Variants in FGF9 observed in about 807,000 individuals in gnomAD.
The protein encoded by FGF9 is fibroblast growth factor 9 (glia-activating factor).
In FGF9, 3 loss-of-function variants were observed where a neutral mutation model predicts 19.9. That is an observed-to-expected ratio of 0.15 (90% confidence interval 0.07 to 0.39). FGF9 has a LOEUF of 0.39. FGF9 is among the 10% of genes least tolerant of loss of function. FGF9 has a pLI of 1.00. For synonymous variants in FGF9, 107 were observed against 106.9 expected (o/e 1.00, Z -0.01); for missense variants, 175 against 256.8 (o/e 0.68, Z 2.18).
chr13:21,679,506 A>G (rs1871988875), intron 1 of FGF9, among the ~76,000 whole-genome samples: 1 of 152,144 alleles, frequency 6.6e-6, no homozygotes, highest in South Asian at 2.1e-4. Flanking sequence ...GAACTCTTAA[A>G]TGTAAGTAAA....
At position 21,671,547 on chromosome 13, in the gene FGF9, C is replaced by T. The variant is rs1871766820; in HGVS notation, c.-366C>T. On this transcript the variant is annotated 5_prime_UTR_variant, in exon 1 of 3. Transcript: ENST00000382353. Reference sequence around the variant, plus strand: ...TAAGTTGCTATGGTCATTCTGATCTCAAACCAAATGGAGAAACTACGGATT... The same window carrying T: ...TAAGTTGCTATGGTCATTCTGATCTTAAACCAAATGGAGAAACTACGGATT... The T allele has an allele frequency of 7.7e-6, 4 of 519,638 alleles. No individual in the cohort carries two copies. The allele number at this position is 519,638 out of a possible 1,614,324, so 32.2% of individuals were successfully genotyped here.
At position 21,702,836 on chromosome 13, in the gene FGF9, A is replaced by G. The variant is rs1013995250; in HGVS notation, c.*1401A>G. On this transcript the variant is annotated 3_prime_UTR_variant, in exon 3 of 3. Transcript: ENST00000382353. ...AAATGAAACTAATAAATCGTTATCA[A>G]TAATGACAATGAGGGGGAAAGTATT... is the stretch of plus-strand genomic sequence containing the variant. 2 of 152,226 alleles carry G rather than the reference A, an allele frequency of 1.3e-5. No individual in the cohort carries two copies. Among genetic ancestry groups the G allele is most frequent in the African/African-American group, 2.4e-5 (1 of 41,468 alleles). 9.4% of individuals were successfully genotyped at this position (152,226 alleles called of 1,614,324 possible).
chr13:21,700,060 G>T (rs989842739), intron 2 of FGF9, among the ~76,000 whole-genome samples: 1 of 150,430 alleles, frequency 6.6e-6, no homozygotes, highest in Non-Finnish European at 1.5e-5. Flanking sequence ...TATTTTTGTT[G>T]TTACTGCCCA....
At chr13:21,689,862 G>T (rs902811312) in intron 2 of FGF9, among the ~76,000 whole-genome samples, 2 of 152,102 alleles carry the variant, frequency 1.3e-5, no homozygotes, top group African/African-American at 4.8e-5. Context: ...GTGGCTTCAG[G>T]GACAACAGAG....
At position 21,703,783 on chromosome 13, in the gene FGF9, A is replaced by G. The variant is rs1489297851; in HGVS notation, c.*2348A>G. ...TTAAAGTAGCATGAGACCTTAGATA[A>G]TCGACCTAAAAGAAAGAAAATTGTG... On this transcript the variant is annotated 3_prime_UTR_variant, in exon 3 of 3. Coordinates refer to ENST00000382353, the MANE Select transcript of FGF9 (RefSeq NM_002010.3). 3 of 152,290 alleles carry G rather than the reference A, an allele frequency of 2.0e-5. No individual in the cohort carries two copies. The highest frequency in any genetic ancestry group is 4.8e-5 in the African/African-American group (2 of 41,572). The allele number at this position is 152,290 out of a possible 1,614,324, so 9.4% of individuals were successfully genotyped here.
At position 21,672,111 on chromosome 13, in the gene FGF9, T is replaced by C; in HGVS notation, c.199T>C (p.Tyr67His). ...GGGGATTCTCAGGCGGAGGCAGCTA[T>C]ACTGCAGGACTGGATTTCACTTAGA... ...LKGILRRRQLYCRTGFHLEIF... is the reference protein window; with the variant it reads ...LKGILRRRQLHCRTGFHLEIF... The change falls in exon 1 of 3, where the codon TAC (tyrosine) becomes CAC (histidine). Residue 67 changes from tyrosine (Y) to histidine (H), a missense_variant. By Grantham distance (83) the Tyr-to-His change is moderately conservative. Coordinates refer to ENST00000382353, the MANE Select transcript of FGF9 (RefSeq NM_002010.3). The surrounding 1 kb of genome is among the most constrained non-coding windows in gnomAD (Gnocchi z 4.2). 1 of 1,614,230 alleles carries C rather than the reference T, an allele frequency of 6.2e-7. No individual in the cohort carries two copies. The highest frequency in any genetic ancestry group is 2.2e-5 in the East Asian group (1 of 44,890).
intron 2 of FGF9, among the ~76,000 whole-genome samples, chr13:21,693,367 G>T (rs926679679): frequency 1.3e-5 from 2 of 152,080 alleles, no homozygotes; most frequent in Non-Finnish European, 2.9e-5. Flanking sequence ...TTCTCTGTGG[G>T]TATTGGGTGG....
chr13:21,692,591 A>G (rs1337245622), intron 2 of FGF9, among the ~76,000 whole-genome samples: 1 of 152,186 alleles, frequency 6.6e-6, no homozygotes, highest in East Asian at 1.9e-4. Context: ...TAGACACTTC[A>G]TAGCTGGGCT....
intron 2 of FGF9, among the ~76,000 whole-genome samples, chr13:21,690,445 C>G (rs1456496273): frequency 1.3e-5 from 2 of 152,200 alleles, no homozygotes; most frequent in African/African-American, 2.4e-5. Flanking sequence ...CTACAACACA[C>G]ACACCCTCAT....
intron 1 of FGF9, among the ~76,000 whole-genome samples, chr13:21,674,930 A>AC (rs1225217587): frequency 6.7e-6 from 1 of 149,796 alleles, no homozygotes; most frequent in Non-Finnish European, 1.5e-5. Context: ...TAGACCCCTC[A>AC]CCCCTAGAGG....
At chr13:21,696,653 A>G (rs1436971298) in intron 2 of FGF9, among the ~76,000 whole-genome samples, 2 of 152,210 alleles carry the variant, frequency 1.3e-5, no homozygotes, top group African/African-American at 4.8e-5. Flanking sequence ...ACATCTATAT[A>G]AGAATACAGG....
intron 2 of FGF9, among the ~76,000 whole-genome samples, chr13:21,694,211 A>G (rs975826285): frequency 1.1e-4 from 17 of 152,284 alleles, no homozygotes; most frequent in Middle Eastern, 3.4e-3. Flanking sequence ...GCATGCCTCT[A>G]CTAGGGACAC....
At chr13:21,693,440 G>A (rs917887499) in intron 2 of FGF9, among the ~76,000 whole-genome samples, 3 of 152,258 alleles carry the variant, frequency 2.0e-5, no homozygotes, top group South Asian at 2.1e-4. Flanking sequence ...CAAGAGCCAC[G>A]TGGAAATATC....
In FGF9 at chr13:21,701,494, G is replaced by A. The variant is rs17840929; in HGVS notation, c.*59G>A. 4.8e-5 allele frequency: 77 copies of A among 1,611,914 alleles called. No homozygotes were observed. The African/African-American group carries it at 7.2e-4, about 15-fold the overall frequency. On this transcript the variant is annotated 3_prime_UTR_variant, in exon 3 of 3. Coordinates refer to ENST00000382353, the MANE Select transcript of FGF9 (RefSeq NM_002010.3). ...AGTAACCACTATAAAGGTTTCACGC[G>A]GTGGGTTCTTATTGATTCGCTGTGT...
At position 21,701,709 on chromosome 13, in the gene FGF9, A is replaced by ATGTGTGTGTG. The variant is rs61706549; in HGVS notation, c.*296_*305dup. 1,608 of 357,778 alleles carry ATGTGTGTGTG rather than the reference A, an allele frequency of 4.5e-3. 31 individuals are homozygous for ATGTGTGTGTG. Among genetic ancestry groups the ATGTGTGTGTG allele is most frequent in the African/African-American group, 0.033 (1,507 of 45,090 alleles). 22.2% of individuals were successfully genotyped at this position (357,778 alleles called of 1,614,324 possible). Reference sequence around the variant, plus strand: ...GAGACTGAGCGCTAGGAGTGTGTGTATGTGTGTGTGTGTGTGTGTGTGTGT... The same window carrying ATGTGTGTGTG: ...GAGACTGAGCGCTAGGAGTGTGTGTATGTGTGTGTGTGTGTGTGTGTGTGTGTGTGTGTGT... On this transcript the variant is annotated 3_prime_UTR_variant, in exon 3 of 3. Coordinates refer to ENST00000382353, the MANE Select transcript of FGF9 (RefSeq NM_002010.3).
rs549054241 is a variant in FGF9 at position 21,671,117 on chromosome 13, C to T, written c.-796C>T. ...GGGGCTGCGCAGGAGGAGCGCTCCG[C>T]CCGGCTACAACGCTCCGCGAGCCGG... On this transcript the variant is annotated 5_prime_UTR_variant, in exon 1 of 3. Transcript: ENST00000382353. 1.1e-3 allele frequency among the ~76,000 whole-genome samples: 169 copies of T among 152,216 alleles called. No homozygotes were observed. The highest frequency in any genetic ancestry group is 1.5e-3 in the Non-Finnish European group (103 of 67,976).
At position 21,702,205 on chromosome 13, in the gene FGF9, T is replaced by C. The variant is rs1449993822; in HGVS notation, c.*770T>C. 6.6e-6 allele frequency: 1 copy of C among 152,192 alleles called. No individual in the cohort carries two copies. Among genetic ancestry groups the C allele is most frequent in the Non-Finnish European group, 1.5e-5 (1 of 68,034 alleles). 9.4% of individuals were successfully genotyped at this position (152,192 alleles called of 1,614,324 possible). The stretch of plus-strand genomic sequence containing the variant: ...CCTGTGGTAAATTCATGCAAGTAGA[T>C]ATAATGGTGCATGGATATAAGAAAT... On this transcript the variant is annotated 3_prime_UTR_variant, in exon 3 of 3. Coordinates refer to ENST00000382353, the MANE Select transcript of FGF9 (RefSeq NM_002010.3).
intron 2 of FGF9, among the ~76,000 whole-genome samples, chr13:21,686,308 C>T (rs1260675249): frequency 2.6e-5 from 4 of 152,240 alleles, no homozygotes; most frequent in Middle Eastern, 3.4e-3. Flanking sequence ...GGATTACAGG[C>T]GTGAGCCCCC....
At chr13:21,686,218 G>A (rs912967693) in intron 2 of FGF9, among the ~76,000 whole-genome samples, 1 of 152,096 alleles carries the variant, frequency 6.6e-6, no homozygotes, top group Admixed American at 6.5e-5. Context: ...TAGTAGAGAT[G>A]GGGTTTCACC....
Sources: allele counts gnomAD v4.1 joint callset (sites outside exome capture counted in the v4.1 genomes callset), GRCh38; gene constraint gnomAD v4.1.1; non-coding constraint Gnocchi (gnomAD v3.1); transcripts MANE v1.5; gene names NCBI Gene and HGNC (gene_info 2026-07-23, HGNC 2026-07-21).